AGAP1: variants seen among roughly 807,000 people sequenced by gnomAD.
AGAP1 encodes the protein ArfGAP with GTPase domain, ankyrin repeat and PH domain 1.
A neutral mutation model predicts 105.3 loss-of-function variants in AGAP1; 29 were observed. That is an observed-to-expected ratio of 0.28 (90% confidence interval 0.21 to 0.38). The LOEUF is 0.38. AGAP1 is among the 10% of genes least tolerant of loss of function. The pLI is 1.00. For missense variants in AGAP1, 998 were observed against 1,165.1 expected (o/e 0.86, Z 2.09); for synonymous variants, 509 against 485.9 (o/e 1.05, Z -0.63).
At position 235,768,090 on chromosome 2, in the gene AGAP1, G is replaced by C. The variant is rs143091792; in HGVS notation, c.673+17602G>C. 6.5e-3 allele frequency among the ~76,000 whole-genome samples: 991 copies of C among 152,234 alleles called. 3 individuals carry two copies. Among genetic ancestry groups the C allele is most frequent in the Non-Finnish European group, 9.7e-3 (657 of 68,014 alleles). On this transcript the variant is annotated intron_variant, in intron 6 of 17. Coordinates refer to ENST00000304032, the MANE Select transcript of AGAP1 (RefSeq NM_001037131.3). ...GTGTGAGCCAACATCCCTGGCCAGA[G>C]TCTTCTAGTTTTTGAAGGTTTTTTT...
chr2:235,672,406 A>C (rs1219931331), intron 1 of AGAP1, among the ~76,000 whole-genome samples: 1 of 152,234 alleles, frequency 6.6e-6, no homozygotes, highest in Non-Finnish European at 1.5e-5. Flanking sequence ...TTCACTAGTG[A>C]GGCTACACTG....
rs1046234852 is a variant in AGAP1 at position 235,692,797 on chromosome 2, G to A, written c.164-16382G>A. On this transcript the variant is annotated intron_variant, in intron 1 of 17. Transcript: ENST00000304032. The surrounding 1 kb of genome is among the most constrained non-coding windows in gnomAD (Gnocchi z 5.8). The stretch of plus-strand genomic sequence containing the variant: ...AGGTCTTGCGGTGGACTTGCTGGTC[G>A]GCTGCTCTGCTGATTCTCGAAGGCG... Among the ~76,000 whole-genome samples, 7 of 152,172 alleles carry A rather than the reference G, an allele frequency of 4.6e-5. No individual in the cohort carries two copies. Among genetic ancestry groups the A allele is most frequent in the Middle Eastern group, 3.2e-3 (1 of 316 alleles).
chr2:236,007,988 G>A (rs886307798), intron 13 of AGAP1, among the ~76,000 whole-genome samples: 5 of 152,214 alleles, frequency 3.3e-5, no homozygotes, highest in East Asian at 1.9e-4. Flanking sequence ...TACTCCACAC[G>A]TCATTTGGTT....
rs1953613516 is a variant in AGAP1, at chr2:235,753,290, C to T, written c.673+2802C>T. 6.6e-6 allele frequency among the ~76,000 whole-genome samples: 1 copy of T among 152,124 alleles called. No homozygotes were observed. The highest frequency in any genetic ancestry group is 2.4e-5 in the African/African-American group (1 of 41,418). On this transcript the variant is annotated intron_variant, in intron 6 of 17. Transcript: ENST00000304032. This position sits in a 1 kb window ranked among gnomAD's most constrained non-coding sequence, Gnocchi z 4.5. ...TTAAAATATTCAGAAAAAGCGTTTC[C>T]GTTACTGTGACAGCTCATGTCGCAC...
intron 9 of AGAP1, among the ~76,000 whole-genome samples, chr2:235,868,340 C>T (rs2049279822): frequency 6.6e-6 from 1 of 152,278 alleles, no homozygotes; most frequent in African/African-American, 2.4e-5. Flanking sequence ...ATTGCGAAAT[C>T]ACACGTGCAC....
At chr2:235,873,183 G>A (rs752362272) in intron 9 of AGAP1, among the ~76,000 whole-genome samples, 9 of 152,326 alleles carry the variant, frequency 5.9e-5, no homozygotes, top group Middle Eastern at 3.4e-3. Flanking sequence ...TTCTGGGGTC[G>A]CTCTAGACTG....
At chr2:235,643,928 T>C (rs1402516705) in intron 1 of AGAP1, among the ~76,000 whole-genome samples, 2 of 152,170 alleles carry the variant, frequency 1.3e-5, no homozygotes, top group Non-Finnish European at 2.9e-5. Flanking sequence ...GAGTGAAAAC[T>C]GATTATCTAC....
chr2:235,528,161 A>G (rs2149067511), intron 1 of AGAP1, among the ~76,000 whole-genome samples: 1 of 152,268 alleles, frequency 6.6e-6, no homozygotes, highest in East Asian at 1.9e-4. Flanking sequence ...TAACTCCAGA[A>G]AGTTTTACCA....
chr2:235,598,622 A>C (rs967761249), intron 1 of AGAP1, among the ~76,000 whole-genome samples: 2 of 152,230 alleles, frequency 1.3e-5, no homozygotes, highest in Non-Finnish European at 2.9e-5. Flanking sequence ...ATTCAAGTAT[A>C]AACTCAGAAT....
Position 235,958,312 on chromosome 2 carries a change from C to A in AGAP1, c.1484-10150C>A, listed in dbSNP as rs962468136. 1.3e-5 allele frequency among the ~76,000 whole-genome samples: 2 copies of A among 152,070 alleles called. No individual in the cohort carries two copies. Among genetic ancestry groups the A allele is most frequent in the African/African-American group, 4.8e-5 (2 of 41,424 alleles). On this transcript the variant is annotated intron_variant, in intron 12 of 17. Transcript: ENST00000304032. This position sits in a 1 kb window ranked among gnomAD's most constrained non-coding sequence, Gnocchi z 4.1. Reference sequence around the variant, plus strand: ...TCCAGGCTCCAGGGTCAGGGAAGATCTGACCCGGGAGAGGATTAGGGCCCT... The same window carrying A: ...TCCAGGCTCCAGGGTCAGGGAAGATATGACCCGGGAGAGGATTAGGGCCCT...
intron 3 of AGAP1, among the ~76,000 whole-genome samples, chr2:235,730,278 C>T (rs558933379): frequency 2.0e-5 from 3 of 152,128 alleles, no homozygotes; most frequent in East Asian, 1.9e-4. Context: ...TGTCGGCAGC[C>T]GAGTAACTGC....
chr2:235,605,289 C>T (rs550674064), intron 1 of AGAP1, among the ~76,000 whole-genome samples: 114 of 152,324 alleles, frequency 7.5e-4, no homozygotes, highest in African/African-American at 2.5e-3. Context: ...TTGCATTTCA[C>T]GCCCCTCATC....
At chr2:236,070,812 T>C (rs1195048963) in intron 16 of AGAP1, among the ~76,000 whole-genome samples, 1 of 152,100 alleles carries the variant, frequency 6.6e-6, no homozygotes, top group East Asian at 1.9e-4. Flanking sequence ...CAGTGCTTGC[T>C]CATGGGAGTG....
chr2:235,510,106 T>C (rs544768464), intron 1 of AGAP1, among the ~76,000 whole-genome samples: 21 of 152,344 alleles, frequency 1.4e-4, no homozygotes, highest in African/African-American at 4.8e-4. Flanking sequence ...GGGCTCCCAC[T>C]GATTCTACGT....
At chr2:235,841,999 C>T (rs1482768062) in intron 9 of AGAP1, among the ~76,000 whole-genome samples, 4 of 152,180 alleles carry the variant, frequency 2.6e-5, no homozygotes, top group Non-Finnish European at 5.9e-5. Flanking sequence ...CTTGCCGTCA[C>T]CACTCCATGC....
At position 235,684,280 on chromosome 2, in the gene AGAP1, A is replaced by G. The variant is rs528141577; in HGVS notation, c.164-24899A>G. ...AGGATGGTCTCGATCTCCTGACCTC[A>G]TGATCCACCCGCCTCGGCCTCCCAA... On this transcript the variant is annotated intron_variant, in intron 1 of 17. Coordinates refer to ENST00000304032, the MANE Select transcript of AGAP1 (RefSeq NM_001037131.3). 1.1e-3 allele frequency among the ~76,000 whole-genome samples: 166 copies of G among 152,080 alleles called. 1 individual carries two copies. In the South Asian group the frequency reaches 0.013, roughly 12 times the overall value.
At chr2:235,969,651 C>T (rs536954446) in intron 13 of AGAP1, among the ~76,000 whole-genome samples, 1 of 152,182 alleles carries the variant, frequency 6.6e-6, no homozygotes, top group African/African-American at 2.4e-5. Context: ...GTGGCCCATC[C>T]CGTCCACATA....
At position 236,090,936 on chromosome 2, in the gene AGAP1, A is replaced by T. The variant is rs1236205486; in HGVS notation, c.2115-29256A>T. On this transcript the variant is annotated intron_variant, in intron 16 of 17. Coordinates refer to ENST00000304032, the MANE Select transcript of AGAP1 (RefSeq NM_001037131.3). This position sits in a 1 kb window ranked among gnomAD's most constrained non-coding sequence, Gnocchi z 4.3. The stretch of plus-strand genomic sequence containing the variant: ...GCATTTTTAGTAGGGATGAGGTTTC[A>T]CCATGTTGGCCAGGCTGGTGTCGAC... Among the ~76,000 whole-genome samples, 1 of 152,030 alleles carries T rather than the reference A, an allele frequency of 6.6e-6. No individual in the cohort carries two copies. The highest frequency in any genetic ancestry group is 1.5e-5 in the Non-Finnish European group (1 of 67,998).
At chr2:235,815,498 G>T (rs756607026) in intron 9 of AGAP1, among the ~76,000 whole-genome samples, 3 of 152,142 alleles carry the variant, frequency 2.0e-5, no homozygotes, top group Non-Finnish European at 4.4e-5. Flanking sequence ...TGCAAATTTT[G>T]GGGGGACGTA....
Sources: allele counts gnomAD v4.1 joint callset (sites outside exome capture counted in the v4.1 genomes callset), GRCh38; gene constraint gnomAD v4.1.1; non-coding constraint Gnocchi (gnomAD v3.1); transcripts MANE v1.5; gene names NCBI Gene and HGNC (gene_info 2026-07-23, HGNC 2026-07-21).